LMNTD1: variants seen among roughly 807,000 people sequenced by gnomAD.
LMNTD1 encodes the protein lamin tail domain-containing protein 1.
Under a neutral mutation model 50.9 loss-of-function variants are expected in LMNTD1, and 35 were observed. That is an observed-to-expected ratio of 0.69 (90% CI 0.53 to 0.91). The LOEUF (loss-of-function observed/expected upper bound fraction) is 0.91. Among genes scored for constraint, LMNTD1 ranks in the 40% least tolerant of loss-of-function variants. The pLI is 0.00. For missense variants in LMNTD1, 470 were observed against 475.5 expected (o/e 0.99, Z 0.11); for synonymous variants, 153 against 161.9 (o/e 0.94, Z 0.42).
intron 1 of LMNTD1, among the ~76,000 whole-genome samples, chr12:25,576,458 T>A (rs1204872536): frequency 6.6e-6 from 1 of 152,248 alleles, no homozygotes. Flanking sequence ...TGAGCATTTT[T>A]TCATGTGTCT....
At chr12:25,533,550 C>G (rs1942363289) in intron 4 of LMNTD1, among the ~76,000 whole-genome samples, 1 of 152,110 alleles carries the variant, frequency 6.6e-6, no homozygotes, top group Admixed American at 6.5e-5. Flanking sequence ...AGTTCCAGTT[C>G]TTCCAACCTG....
At chr12:25,539,555 T>C (rs1259869753) in intron 4 of LMNTD1, among the ~76,000 whole-genome samples, 1 of 151,434 alleles carries the variant, frequency 6.6e-6, no homozygotes, top group African/African-American at 2.4e-5. Flanking sequence ...TGCCAGAATC[T>C]CTGGGACGCA....
chr12:25,602,752 C>A (rs1471663993), intron 1 of LMNTD1, among the ~76,000 whole-genome samples: 1 of 151,696 alleles, frequency 6.6e-6, no homozygotes, highest in Non-Finnish European at 1.5e-5. Context: ...TTAGTCCCTG[C>A]TAATTTCAGT....
At chr12:25,587,437 A>G (rs1468307996) in intron 1 of LMNTD1, among the ~76,000 whole-genome samples, 1 of 152,236 alleles carries the variant, frequency 6.6e-6, no homozygotes, top group Non-Finnish European at 1.5e-5. Flanking sequence ...CAGGCACGTC[A>G]TATGGCGAGA....
intron 1 of LMNTD1, among the ~76,000 whole-genome samples, chr12:25,602,260 T>G (rs1222145815): frequency 1.3e-5 from 2 of 151,920 alleles, no homozygotes; most frequent in East Asian, 3.9e-4. Flanking sequence ...TAAATTTTTA[T>G]TTTCTTTCTT....
Position 25,575,019 on chromosome 12 carries a change from C to T in LMNTD1, c.59-28465G>A, listed in dbSNP as rs138670143. 1.9e-3 allele frequency among the ~76,000 whole-genome samples: 293 copies of T among 152,268 alleles called. 2 individuals are homozygous for T. Among genetic ancestry groups the T allele is most frequent in the African/African-American group, 6.9e-3 (287 of 41,576 alleles). On this transcript the variant is annotated intron_variant, in intron 1 of 7. Transcript: ENST00000445693. ...AAGACAGGCAAAGACCTGAAGAAGG[C>T]GTTGCTGCTGCTCAGAAGTAAGAAA...
At chr12:25,527,681 T>TATACACAC (rs1463259109) in intron 4 of LMNTD1, among the ~76,000 whole-genome samples, 9 of 32,322 alleles carry the variant, frequency 2.8e-4, no homozygotes, top group East Asian at 1.1e-3. Context: ...TATATATATA[T>TATACACAC]ACACACACAC....
chr12:25,598,652 G>C (rs1592089297), intron 1 of LMNTD1, among the ~76,000 whole-genome samples: 1 of 151,116 alleles, frequency 6.6e-6, no homozygotes, highest in Non-Finnish European at 1.5e-5. Context: ...TTAAGTCAGA[G>C]ATGAAAAAGG....
At chr12:25,588,044 C>T (rs182875684) in intron 1 of LMNTD1, among the ~76,000 whole-genome samples, 22 of 152,054 alleles carry the variant, frequency 1.4e-4, no homozygotes, top group Admixed American at 3.9e-4. Flanking sequence ...TTCTAAGGTA[C>T]GTAGTTAGGC....
chr12:25,490,497 C>T (rs1393391421), intron 9 of LMNTD1, among the ~76,000 whole-genome samples: 3 of 151,920 alleles, frequency 2.0e-5, no homozygotes, highest in Non-Finnish European at 2.9e-5. Context: ...GAAGTGAAGC[C>T]CTTACATTCT....
At chr12:25,573,077 C>T (rs182638599) in intron 1 of LMNTD1, among the ~76,000 whole-genome samples, 1 of 151,912 alleles carries the variant, frequency 6.6e-6, no homozygotes, top group Non-Finnish European at 1.5e-5. Context: ...TCTTGTTTTT[C>T]TCCTCTAAAT....
chr12:25,507,780 C>T (rs1165076491), intron 8 of LMNTD1, among the ~76,000 whole-genome samples: 1 of 152,160 alleles, frequency 6.6e-6, no homozygotes, highest in Non-Finnish European at 1.5e-5. Context: ...GTCTAAATTT[C>T]CCTGGACCTG....
intron 4 of LMNTD1, among the ~76,000 whole-genome samples, chr12:25,542,464 C>T (rs1242599605): frequency 6.7e-5 from 10 of 149,066 alleles, no homozygotes; most frequent in Non-Finnish European, 1.0e-4. Flanking sequence ...AGTAAACTAT[C>T]GCAAGAACAA....
chr12:25,565,274 T>C (rs541162131), intron 1 of LMNTD1, among the ~76,000 whole-genome samples: 2 of 152,242 alleles, frequency 1.3e-5, no homozygotes, highest in South Asian at 4.1e-4. Flanking sequence ...TCTTTCTGTC[T>C]TCCTTTTAGT....
rs748056420 is a variant in LMNTD1 at position 25,553,161 on chromosome 12, G to A, written c.-123C>T. 1.7e-4 allele frequency: 269 copies of A among 1,607,730 alleles called. No homozygotes were observed. The highest frequency in any genetic ancestry group is 6.3e-4 in the South Asian group (57 of 89,884). ...CCACAATTCTCATGAGGATATGTAA[G>A]TACCAACATAGCCAATCCTGATCTT... On this transcript the variant is annotated 5_prime_UTR_variant, in exon 1 of 10. Transcript: ENST00000458174.
At chr12:25,584,928 A>G (rs1402756651) in intron 1 of LMNTD1, among the ~76,000 whole-genome samples, 2 of 152,238 alleles carry the variant, frequency 1.3e-5, no homozygotes, top group African/African-American at 4.8e-5. Flanking sequence ...TCATATTTTC[A>G]AACTTTCTTT....
intron 6 of LMNTD1, among the ~76,000 whole-genome samples, chr12:25,524,229 T>G (rs1021632660): frequency 3.9e-5 from 6 of 152,234 alleles, no homozygotes; most frequent in Non-Finnish European, 7.3e-5. Flanking sequence ...TACTTATTAT[T>G]ACATATCAGT....
At chr12:25,556,134 G>A (rs903920795), upstream of LMNTD1, among the ~76,000 whole-genome samples, 8 of 152,046 alleles carry the variant, frequency 5.3e-5, no homozygotes, top group African/African-American at 1.9e-4. Flanking sequence ...CACCACGCCC[G>A]GCCAATTTTT....
intron 1 of LMNTD1, among the ~76,000 whole-genome samples, chr12:25,576,767 A>G (rs942007997): frequency 6.6e-6 from 1 of 152,158 alleles, no homozygotes; most frequent in Non-Finnish European, 1.5e-5. Context: ...GTCCTTGCCC[A>G]TGCCTATGTC....
Sources: gnomAD v4.1 joint callset for allele counts (sites outside exome capture counted in the v4.1 genomes callset) on GRCh38, gnomAD v4.1.1 for gene constraint, MANE v1.5 for transcripts, NCBI Gene and HGNC (gene_info 2026-07-23, HGNC 2026-07-21) for gene names.